The following PKD1L1 variants were observed in gnomAD, a reference collection of about 807,000 sequenced individuals.
PKD1L1 encodes polycystin 1 like 1, transient receptor potential channel interacting.
Under a neutral mutation model 323.4 loss-of-function variants are expected in PKD1L1, and 236 were observed. The ratio of observed to expected loss-of-function variants is 0.73; its 90% CI spans 0.66 to 0.81. PKD1L1 has a LOEUF of 0.81. Among genes scored for constraint, PKD1L1 ranks in the 40% least tolerant of loss-of-function variants. PKD1L1 has a pLI of 0.00. For synonymous variants in PKD1L1, 1,344 were observed against 1,335.0 expected (o/e 1.01, Z -0.15); for missense variants, 3,320 against 3,508.0 (o/e 0.95, Z 1.35).
chr7:47,777,650 G>A (rs895894241), intron 56 of PKD1L1, among the ~76,000 whole-genome samples: 3 of 152,220 alleles, frequency 2.0e-5, no homozygotes, highest in African/African-American at 7.2e-5. Context: ...AGTGTGAAGT[G>A]TGAGAAATTA....
chr7:47,829,605 G>T lies in PKD1L1; in HGVS notation c.6559-4C>A. 2 of 1,603,104 alleles carry T rather than the reference G, an allele frequency of 1.2e-6. No homozygotes were observed. Reference sequence around the variant, plus strand: ...AACCCAAGGCCATGAGGCATACCTGGAAGGAAAAACATGACAGCGCAGAGA... The same window carrying T: ...AACCCAAGGCCATGAGGCATACCTGTAAGGAAAAACATGACAGCGCAGAGA... On this transcript the variant is annotated splice_region_variant and splice_polypyrimidine_tract_variant and intron_variant, in intron 43 of 56. Transcript: ENST00000289672.
rs1429094359 is a variant in PKD1L1, at chr7:47,821,194, AAG to A, written c.6855-10_6855-9del. The A allele has an allele frequency of 6.4e-7, 1 of 1,564,810 alleles. No homozygotes were observed. The highest frequency in any genetic ancestry group is 2.2e-5 in the East Asian group (1 of 44,602). The stretch of plus-strand genomic sequence containing the variant: ...ATGTCCATGGAAATGTCTCTGTAAG[AAG>A]AGTTTTTAAGTTAGCATCCATACAG... On this transcript the variant is annotated splice_polypyrimidine_tract_variant and intron_variant, in intron 45 of 56. Coordinates refer to ENST00000289672, the MANE Select transcript of PKD1L1 (RefSeq NM_138295.5).
Position 47,800,763 on chromosome 7 carries a change from A to G in PKD1L1, c.8079T>C (p.Phe2693=). 1 of 1,614,164 alleles carries G rather than the reference A, an allele frequency of 6.2e-7. No homozygotes were observed. Residue 2693 remains phenylalanine, a synonymous_variant, in exon 54 of 57, where the codon TTT becomes TTC. Transcript: ENST00000289672. ...GGCAGTCTTTTTGGCTTCTTCTGGGAAAATGAAACAGCAGCCCGGGGAAGG... is the reference window on the plus strand; with the variant it reads ...GGCAGTCTTTTTGGCTTCTTCTGGGGAAATGAAACAGCAGCCCGGGGAAGG... ...TDAFPGLLFH[F]PRRSQKDCLL... is the part of the protein sequence containing the mutation.
rs890386178 is a variant in PKD1L1 at position 47,915,711 on chromosome 7, T to C, written c.1061-112A>G. The C allele has an allele frequency of 1.5e-5, 9 of 610,590 alleles. No individual in the cohort carries two copies. The East Asian group carries it at 2.4e-4, about 16-fold the overall frequency. 37.8% of individuals were successfully genotyped at this position (610,590 alleles called of 1,614,324 possible). On this transcript the variant is annotated intron_variant, in intron 7 of 56. Coordinates refer to ENST00000289672, the MANE Select transcript of PKD1L1 (RefSeq NM_138295.5). ...AGTTCTTTAAATAAACTAATGAAAA[T>C]TTACCCAACCAATTAAGGAAGGAAA...
At chr7:47,808,496 G>T in intron 51 of PKD1L1, 109 bp from the exon 52 acceptor site, 1 of 1,333,812 alleles carries the variant, frequency 7.5e-7, no homozygotes, top group Non-Finnish European at 1.0e-6. Context: ...TTAACTACAG[G>T]GATGCCTTCT....
At chr7:47,816,918 G>A (rs544964895) in intron 46 of PKD1L1, among the ~76,000 whole-genome samples, 2 of 152,280 alleles carry the variant, frequency 1.3e-5, no homozygotes, top group South Asian at 4.1e-4. Flanking sequence ...TCCATGTTCA[G>A]TGATGTCACA....
At position 47,839,798 on chromosome 7, in the gene PKD1L1, G is replaced by T; in HGVS notation, c.5553-136C>A. Reference sequence around the variant, plus strand: ...GGGACATGTCAAAGGTGACTGACATGCAGAGTGACATGTGAAGCCCCCTGG... The same window carrying T: ...GGGACATGTCAAAGGTGACTGACATTCAGAGTGACATGTGAAGCCCCCTGG... On this transcript the variant is annotated intron_variant, in intron 35 of 56. Coordinates refer to ENST00000289672, the MANE Select transcript of PKD1L1 (RefSeq NM_138295.5). This position sits in a 1 kb window ranked among gnomAD's most constrained non-coding sequence, Gnocchi z 4.3. 2 of 861,552 alleles carry T rather than the reference G, an allele frequency of 2.3e-6. No homozygotes were observed. Among genetic ancestry groups the T allele is most frequent in the Non-Finnish European group, 3.6e-6 (2 of 561,328 alleles). 53.4% of individuals were successfully genotyped at this position (861,552 alleles called of 1,614,324 possible).
chr7:47,817,199 C>G (rs528581647), intron 46 of PKD1L1, among the ~76,000 whole-genome samples: 1 of 152,264 alleles, frequency 6.6e-6, no homozygotes, highest in Admixed American at 6.5e-5. Context: ...CCACTGCACT[C>G]CAGCCTCAGT....
intron 22 of PKD1L1, among the ~76,000 whole-genome samples, chr7:47,877,182 G>A (rs1786425121): frequency 6.6e-6 from 1 of 152,056 alleles, no homozygotes; most frequent in Non-Finnish European, 1.5e-5. Flanking sequence ...CCTTTTTCTT[G>A]GGGGCAGCAT....
At chr7:47,935,777 C>G (rs926628934) in intron 4 of PKD1L1, among the ~76,000 whole-genome samples, 2 of 152,180 alleles carry the variant, frequency 1.3e-5, no homozygotes, top group Non-Finnish European at 2.9e-5. Flanking sequence ...ATAAAAGGAG[C>G]AATATTATAG....
In PKD1L1 at chr7:47,904,636, A is replaced by C; in HGVS notation, c.1692-19T>G. 1 of 1,598,070 alleles carries C rather than the reference A, an allele frequency of 6.3e-7. No individual in the cohort carries two copies. ...ACGATACCTGCAGGATGGGGAAAGG[A>C]GGGCAGGGAAGGCAGATGGCAAGAC... On this transcript the variant is annotated intron_variant, in intron 11 of 56. Transcript: ENST00000289672.
intron 34 of PKD1L1, among the ~76,000 whole-genome samples, chr7:47,841,156 C>G (rs1399701517): frequency 1.3e-5 from 2 of 152,174 alleles, no homozygotes; most frequent in African/African-American, 4.8e-5. Flanking sequence ...AGTTTCTAAA[C>G]TTTGTGTTTT....
Position 47,890,733 on chromosome 7 carries a change from G to A in PKD1L1, c.2484C>T (p.Ser828=). The A allele has an allele frequency of 6.2e-7, 1 of 1,612,830 alleles. No homozygotes were observed. The highest frequency in any genetic ancestry group is 1.1e-5 in the South Asian group (1 of 91,020). Residue 828 remains serine, a synonymous_variant, in exon 16 of 57, where the codon TCC becomes TCT. Transcript: ENST00000289672. The stretch of plus-strand genomic sequence containing the variant: ...AGGAGTCGAAGCAGGGATGTGCTGG[G>A]GAGCCAGCGGTGGCGCATTCCCAGT... The part of the protein sequence containing the change: ...RYHWECATAG[S]PAHPCFDSST...
intron 30 of PKD1L1, 58 bp downstream of exon 30, chr7:47,854,815 TCACAAAACA>T: frequency 6.5e-7 from 1 of 1,529,772 alleles, no homozygotes; most frequent in Admixed American, 2.0e-5. Flanking sequence ...TGATTTTTTG[TCACAAAACA>T]TTCTTAAGGA....
intron 40 of PKD1L1, among the ~76,000 whole-genome samples, 175 bp from the exon 41 acceptor site, chr7:47,833,427 G>A (rs537793070): frequency 1.7e-4 from 26 of 152,316 alleles, no homozygotes; most frequent in African/African-American, 6.3e-4. Flanking sequence ...CCTGGGAGCC[G>A]GCTCCTTTGT....
chr7:47,840,381 G>T lies in PKD1L1; in HGVS notation c.5552+80C>A. On this transcript the variant is annotated intron_variant, in intron 35 of 56. Coordinates refer to ENST00000289672, the MANE Select transcript of PKD1L1 (RefSeq NM_138295.5). The surrounding 1 kb of genome is among the most constrained non-coding windows in gnomAD (Gnocchi z 4.1). ...AGAGACCAATGTTATGTATTCTACT[G>T]TTTTGTATTTGTGATAAGGTTACAC... 1 of 989,822 alleles carries T rather than the reference G, an allele frequency of 1.0e-6. No individual in the cohort carries two copies. The allele number at this position is 989,822 out of a possible 1,614,324, so 61.3% of individuals were successfully genotyped here.
rs564674207 is a variant in PKD1L1, at chr7:47,847,444, C to A, written c.4961-373G>T. 1.0e-3 allele frequency among the ~76,000 whole-genome samples: 154 copies of A among 152,316 alleles called. 1 individual carries two copies. The highest frequency in any genetic ancestry group is 3.5e-3 in the African/African-American group (146 of 41,588). On this transcript the variant is annotated intron_variant, in intron 31 of 56. Transcript: ENST00000289672. ...CTTTAGCTGCCATTCAAGCCCACTT[C>A]CTGCTCCTCGCCAGTTTGTCAGCCA...
chr7:47,795,436 GTGGAAA>G (rs1431452860), intron 55 of PKD1L1: 2 of 444,370 alleles, frequency 4.5e-6, no homozygotes, highest in Non-Finnish European at 9.0e-6. Context: ...CCCAAGTCAT[GTGGAAA>G]TGTAAGTCCA....
At chr7:47,911,972 AAAG>A (rs986037743) in intron 8 of PKD1L1, among the ~76,000 whole-genome samples, 79 of 152,024 alleles carry the variant, frequency 5.2e-4, no homozygotes, top group African/African-American at 1.7e-3. Flanking sequence ...GGAAGGCAGG[AAAG>A]AAGAAGGGAG....
Sources: gnomAD v4.1 joint callset for allele counts (sites outside exome capture counted in the v4.1 genomes callset) on GRCh38, gnomAD v4.1.1 for gene constraint, Gnocchi (gnomAD v3.1) non-coding constraint, MANE v1.5 for transcripts, NCBI Gene and HGNC (gene_info 2026-07-23, HGNC 2026-07-21) for gene names.